Variants in GLI3 observed in about 807,000 individuals in gnomAD.
GLI3 encodes the protein transcription activator GLI3.
Under a neutral mutation model 100.8 loss-of-function variants are expected in GLI3, and 20 were observed. The observed-to-expected ratio is 0.20, with a 90% CI of 0.14 to 0.29. The LOEUF is 0.29. GLI3 is among the 10% of genes least tolerant of loss of function. The pLI is 1.00. For missense variants in GLI3, 2,040 were observed against 2,128.5 expected (o/e 0.96, Z 0.82); for synonymous variants, 938 against 860.5 (o/e 1.09, Z -1.58).
At chr7:42,012,311 G>A (rs952954434) in intron 10 of GLI3, among the ~76,000 whole-genome samples, 5 of 152,110 alleles carry the variant, frequency 3.3e-5, no homozygotes, top group East Asian at 1.9e-4. Context: ...TTCCTCTGCC[G>A]GCTTATCAGC....
At chr7:42,060,367 G>A (rs941941372) in intron 4 of GLI3, among the ~76,000 whole-genome samples, 37 of 152,012 alleles carry the variant, frequency 2.4e-4, no homozygotes, top group African/African-American at 8.7e-4. Context: ...TTACTTAGGC[G>A]CACCCATCTC....
chr7:41,968,763 G>GGAAAGAAAGAAAGAAAGAAAGAAAGAAA (rs71006451), intron 13 of GLI3, among the ~76,000 whole-genome samples: 8 of 56,746 alleles, frequency 1.4e-4, no homozygotes, highest in African/African-American at 6.5e-4. Flanking sequence ...AAAGAAAGAA[G>GGAAAGAAAGAAAGAAAGAAAGAAAGAAA]GAAAGAAAGA....
intron 2 of GLI3, chr7:42,152,460 C>G: frequency 1.0e-6 from 1 of 954,266 alleles, no homozygotes; most frequent in South Asian, 4.8e-5. Flanking sequence ...CTCTGCCTCC[C>G]TCTCCCTCTC....
Position 41,965,790 on chromosome 7 carries a change from C to G in GLI3, c.3283G>C (p.Asp1095His), listed in dbSNP as rs370778213. Reference sequence around the variant, plus strand: ...TGGGAATTTAAATACTGCACCACGTCGTCCGGCAGGAAATCCTCATCGTTC... The same window carrying G: ...TGGGAATTTAAATACTGCACCACGTGGTCCGGCAGGAAATCCTCATCGTTC... ...NLNDEDFLPD[D>H]VVQYLNSQNQ... Residue 1095 changes from aspartate to histidine, a missense_variant, in exon 15 of 15, where the codon GAC becomes CAC. Physicochemically the swap from Asp to His is moderately conservative, Grantham distance 81. Coordinates refer to ENST00000395925, the MANE Select transcript of GLI3 (RefSeq NM_000168.6). 6 of 1,613,350 alleles carry G rather than the reference C, an allele frequency of 3.7e-6. No individual in the cohort carries two copies. The highest frequency in any genetic ancestry group is 1.1e-5 in the South Asian group (1 of 91,062).
At chr7:42,167,471 G>A (rs1319921130) in intron 2 of GLI3, among the ~76,000 whole-genome samples, 1 of 152,090 alleles carries the variant, frequency 6.6e-6, no homozygotes, top group Non-Finnish European at 1.5e-5. Flanking sequence ...GCAAATATCT[G>A]GCCCTCCTTG....
At chr7:42,189,971 AACACACACACACACACAC>A (rs57107204) in intron 2 of GLI3, among the ~76,000 whole-genome samples, 11 of 143,400 alleles carry the variant, frequency 7.7e-5, no homozygotes, top group South Asian at 2.3e-4. Flanking sequence ...GCATGGGCTC[AACACACACACACACACAC>A]ACACACACAC....
intron 10 of GLI3, among the ~76,000 whole-genome samples, chr7:41,998,083 T>C (rs959110791): frequency 6.6e-6 from 1 of 152,168 alleles, no homozygotes; most frequent in Admixed American, 6.5e-5. Context: ...GGTTCACATG[T>C]TGTCATTAAG....
At chr7:42,123,326 A>G (rs1027926818) in intron 3 of GLI3, among the ~76,000 whole-genome samples, 1 of 152,250 alleles carries the variant, frequency 6.6e-6, no homozygotes, top group Non-Finnish European at 1.5e-5. Context: ...TTGACCAAAG[A>G]GTAATGATAG....
chr7:42,216,564 G>C (rs1157349534), intron 2 of GLI3, among the ~76,000 whole-genome samples: 1 of 152,152 alleles, frequency 6.6e-6, no homozygotes, highest in Non-Finnish European at 1.5e-5. Context: ...GTTAATAAGA[G>C]GGGAAAGTAT....
At position 42,025,366 on chromosome 7, in the gene GLI3, C is replaced by A. The variant is rs766473517; in HGVS notation, c.1254G>T (p.Thr418=). The A allele has an allele frequency of 6.2e-7, 1 of 1,612,762 alleles. No homozygotes were observed. The highest frequency in any genetic ancestry group is 1.7e-5 in the Admixed American group (1 of 60,004). The change falls in exon 9 of 15, where the codon ACG becomes ACT. Residue 418 remains threonine, a synonymous_variant. Transcript: ENST00000395925. ...GPSESSQNKP[T]SESAVSSTGD... ...CAGTGCTGCTCACTGCAGACTCACT[C>A]GTGGGCTTGTTCTGCTGGTCACATT...
At chr7:42,110,318 A>G (rs1785676236) in intron 3 of GLI3, among the ~76,000 whole-genome samples, 1 of 152,228 alleles carries the variant, frequency 6.6e-6, no homozygotes, top group Non-Finnish European at 1.5e-5. Context: ...AGGATACCCA[A>G]ATAAAGGTGC....
Position 42,237,120 on chromosome 7 carries a change from G to T in GLI3, c.-192C>A. The T allele has an allele frequency of 6.8e-6, 1 of 147,670 alleles. No homozygotes were observed. The highest frequency in any genetic ancestry group is 1.9e-4 in the South Asian group (1 of 5,338). 9.1% of individuals were successfully genotyped at this position (147,670 alleles called of 1,614,324 possible). The stretch of plus-strand genomic sequence containing the variant: ...CGCGGGGTGCGCCCGCCGCGGGCAT[G>T]GTGCGGCGCGGGCGGCCGCGGGGCG... On this transcript the variant is annotated 5_prime_UTR_variant, in exon 1 of 15. Coordinates refer to ENST00000395925, the MANE Select transcript of GLI3 (RefSeq NM_000168.6).
At chr7:42,039,799 A>G (rs1226573315) in intron 7 of GLI3, among the ~76,000 whole-genome samples, 1 of 152,220 alleles carries the variant, frequency 6.6e-6, no homozygotes, top group East Asian at 1.9e-4. Context: ...ATAACTCAAT[A>G]ACTGCTATTT....
At chr7:42,053,926 T>G (rs570717955) in intron 4 of GLI3, among the ~76,000 whole-genome samples, 2 of 152,208 alleles carry the variant, frequency 1.3e-5, no homozygotes, top group Admixed American at 1.3e-4. Flanking sequence ...TTGTTGGGAC[T>G]ACAGGGCACA....
intron 1 of GLI3, among the ~76,000 whole-genome samples, chr7:42,232,837 CAT>C (rs1788720231): frequency 6.6e-6 from 1 of 152,016 alleles, no homozygotes; most frequent in African/African-American, 2.4e-5. Context: ...TTTAGAAGGC[CAT>C]AGATTTTCTG....
rs979364849 is a variant in GLI3 at position 41,972,392 on chromosome 7, G to A, written c.2048C>T (p.Thr683Ile). 8 of 1,613,936 alleles carry A rather than the reference G, an allele frequency of 5.0e-6. No individual in the cohort carries two copies. Among genetic ancestry groups the A allele is most frequent in the East Asian group, 2.2e-5 (1 of 44,856 alleles). The change falls in exon 13 of 15, where the codon ACC becomes ATC. Residue 683 changes from threonine (T) to isoleucine (I), a missense_variant. Physicochemically the swap from Thr to Ile is moderately conservative, Grantham distance 89 (BLOSUM62 -1). Around this residue, in one of 5 missense-constraint regions of GLI3, gnomAD observed 327 missense variants for 338.7 expected, o/e 0.97. Transcript: ENST00000395925. This position sits in a 1 kb window ranked among gnomAD's most constrained non-coding sequence, Gnocchi z 4.4. ...LGEQQDLSNT[T>I]SKREECLQVK... ...CTGGAGGCATTCTTCCCGCTTTGAGGTAGTGTTGCTGAGGTCCTGCTGCTC... is the reference window on the plus strand; with the variant it reads ...CTGGAGGCATTCTTCCCGCTTTGAGATAGTGTTGCTGAGGTCCTGCTGCTC...
In GLI3 at chr7:41,964,742, T is replaced by C. The variant is rs747590659; in HGVS notation, c.4331A>G (p.Tyr1444Cys). 7 of 1,613,520 alleles carry C rather than the reference T, an allele frequency of 4.3e-6. No homozygotes were observed. The highest frequency in any genetic ancestry group is 4.0e-5 in the African/African-American group (3 of 74,934). The change falls in exon 15 of 15, where the codon TAT becomes TGT. Residue 1444 changes from tyrosine (Y) to cysteine (C), a missense_variant. Coordinates refer to ENST00000395925, the MANE Select transcript of GLI3 (RefSeq NM_000168.6). ...SNLQNYSGQF[Y>C]DQTVGFSQQD... Reference sequence around the variant, plus strand: ...CTGACTGAAGCCCACGGTTTGGTCATAGAACTGACCAGAGTAATTCTGCAG... The same window carrying C: ...CTGACTGAAGCCCACGGTTTGGTCACAGAACTGACCAGAGTAATTCTGCAG...
chr7:42,192,316 G>A (rs1296337281), intron 2 of GLI3, among the ~76,000 whole-genome samples: 2 of 152,152 alleles, frequency 1.3e-5, no homozygotes, highest in African/African-American at 4.8e-5. Context: ...CTAGTCACTG[G>A]AATCTCCACA....
intron 3 of GLI3, among the ~76,000 whole-genome samples, chr7:42,089,206 G>C (rs1046598804): frequency 6.6e-6 from 1 of 152,144 alleles, no homozygotes; most frequent in Admixed American, 6.5e-5. Context: ...ACATGGATGC[G>C]TAATAGTGGA....
Sources: allele counts gnomAD v4.1 joint callset (sites outside exome capture counted in the v4.1 genomes callset), GRCh38; gene constraint gnomAD v4.1.1; regional missense constraint gnomAD v4.1.1; non-coding constraint Gnocchi (gnomAD v3.1); transcripts MANE v1.5; gene names NCBI Gene and HGNC (gene_info 2026-07-23, HGNC 2026-07-21).